Variants in PSMG2 observed in about 807,000 individuals in gnomAD.
PSMG2 encodes proteasome assembly chaperone 2.
In PSMG2, 21 loss-of-function variants were observed where a neutral mutation model predicts 31.5. The observed-to-expected ratio is 0.67, with a 90% confidence interval of 0.47 to 0.96. The LOEUF (loss-of-function observed/expected upper bound fraction) is 0.96, where lower values mean the gene tolerates loss of function less well. Ranked by LOEUF, PSMG2 falls within the 40% of genes least tolerant of loss-of-function variation. The probability of loss-of-function intolerance (pLI) is 0.00; values close to 1 mark genes in which losing one functional copy is unlikely to be tolerated. For missense variants in PSMG2, 318 were observed against 321.2 expected, an observed-to-expected ratio of 0.99 and a Z score of 0.08; for synonymous variants, 120 against 110.4, an observed-to-expected ratio of 1.09 and a Z score of -0.54.
chr18:12,672,219 A>G (rs1463547471), intron 1 of PSMG2, among the ~76,000 whole-genome samples: 1 of 151,028 alleles, frequency 6.6e-6, no homozygotes, highest in Non-Finnish European at 1.5e-5. Context: ...GGTTCAAGCG[A>G]TTCTCCTGCC....
At chr18:12,698,172 T>C (rs2040023589), upstream of PSMG2, among the ~76,000 whole-genome samples, 1 of 151,306 alleles carries the variant, frequency 6.6e-6, no homozygotes, top group Non-Finnish European at 1.5e-5. Flanking sequence ...TTATATTTAT[T>C]TGTAAGTATT....
At chr18:12,679,860 C>T (rs2039282427) in intron 1 of PSMG2, among the ~76,000 whole-genome samples, 3 of 151,886 alleles carry the variant, frequency 2.0e-5, no homozygotes, top group Non-Finnish European at 4.4e-5. Context: ...CCCAGGAGTT[C>T]AAGACCAGCC....
intron 1 of PSMG2, among the ~76,000 whole-genome samples, chr18:12,682,701 T>C (rs1053149395): frequency 2.0e-5 from 3 of 152,072 alleles, no homozygotes; most frequent in African/African-American, 7.2e-5. Context: ...TGACCTCGGC[T>C]CACTACAACC....
chr18:12,699,113 G>A, upstream of PSMG2: 12 of 1,614,028 alleles, frequency 7.4e-6, no homozygotes, highest in Non-Finnish European at 1.0e-5. Context: ...AACTTGTCCA[G>A]GTAAAGGCTC....
chr18:12,673,849 A>C (rs2542166), intron 1 of PSMG2, among the ~76,000 whole-genome samples: 121,484 of 152,126 alleles, frequency 0.8, 48,962 homozygotes, highest in Non-Finnish European at 0.83. Flanking sequence ...CCACTGCACT[A>C]CAGCCTGGGC....
intron 2 of PSMG2, among the ~76,000 whole-genome samples, chr18:12,709,500 AT>A (rs113951918): frequency 0.011 from 1,432 of 130,152 alleles, 6 homozygotes; most frequent in South Asian, 0.019. Context: ...TAATTCTTGT[AT>A]TTTTTTTTTT....
intron 1 of PSMG2, among the ~76,000 whole-genome samples, chr18:12,694,940 C>G (rs1025530068): frequency 6.6e-6 from 1 of 151,674 alleles, no homozygotes; most frequent in Admixed American, 6.6e-5. Context: ...TGGTCACGAT[C>G]TCCTGACCTT....
At chr18:12,671,289 A>C (rs1568006838) in intron 1 of PSMG2, 1 of 152,102 alleles carries the variant, frequency 6.6e-6, no homozygotes, top group African/African-American at 2.4e-5. Flanking sequence ...TTTTCGAAAA[A>C]CGAAATCATT....
upstream of PSMG2, chr18:12,702,405 G>T: frequency 9.3e-7 from 1 of 1,077,622 alleles, no homozygotes; most frequent in Non-Finnish European, 1.4e-6. Flanking sequence ...AGCAGATGCC[G>T]CTGTCGGCCC....
chr18:12,699,006 A>C (rs761217041), upstream of PSMG2: 13 of 1,613,486 alleles, frequency 8.1e-6, no homozygotes, highest in Non-Finnish European at 1.1e-5. Context: ...ACTTCAAGTA[A>C]AAAGCCATCA....
upstream of PSMG2, among the ~76,000 whole-genome samples, chr18:12,701,548 AACCTAGTGTAGTG>A (rs1327793269): frequency 6.6e-6 from 1 of 152,114 alleles, no homozygotes; most frequent in Non-Finnish European, 1.5e-5. Flanking sequence ...AGAATGGAAA[AACCTAGTGTAGTG>A]CCCTCTCACG....
At position 12,703,058 on chromosome 18, in the gene PSMG2, C is replaced by G. The variant is rs752290589; in HGVS notation, c.-50C>G. The G allele has an allele frequency of 3.8e-6, 6 of 1,591,746 alleles. No homozygotes were observed. Among genetic ancestry groups the G allele is most frequent in the Admixed American group, 1.7e-5 (1 of 57,758 alleles). On this transcript the variant is annotated 5_prime_UTR_variant, in exon 1 of 7. Transcript: ENST00000317615. ...CGGGCTTCCGCCTTCTTGCTGCCCT[C>G]GTTCTTGCCAGGGCCGCGGTTAGTC...
At chr18:12,703,268 A>C (rs2040218495) in intron 1 of PSMG2, 104 bp downstream of exon 1, 1 of 1,233,840 alleles carries the variant, frequency 8.1e-7, no homozygotes, top group South Asian at 1.5e-5. Flanking sequence ...ATAGGGCACT[A>C]GTTTCTATTT....
chr18:12,693,793 C>CA (rs965214404), intron 1 of PSMG2, among the ~76,000 whole-genome samples: 1 of 151,938 alleles, frequency 6.6e-6, no homozygotes, highest in Non-Finnish European at 1.5e-5. Context: ...AAAAAACAAA[C>CA]AAAAAAACCC....
chr18:12,709,235 C>T (rs1211053124), intron 2 of PSMG2, among the ~76,000 whole-genome samples: 1 of 148,938 alleles, frequency 6.7e-6, no homozygotes, highest in African/African-American at 2.5e-5. Context: ...TTAGTAGAGA[C>T]GGGGTTGCAC....
At chr18:12,705,340 A>G (rs954509795) in intron 1 of PSMG2, among the ~76,000 whole-genome samples, 1 of 152,174 alleles carries the variant, frequency 6.6e-6, no homozygotes, top group African/African-American at 2.4e-5. Flanking sequence ...CTGGGATTAC[A>G]GGCATGAGAC....
intron 5 of PSMG2, among the ~76,000 whole-genome samples, chr18:12,721,977 G>A (rs943154880): frequency 6.6e-6 from 1 of 151,588 alleles, no homozygotes; most frequent in Non-Finnish European, 1.5e-5. Flanking sequence ...TTTTTGTTCC[G>A]TGTTCCTCTC....
chr18:12,706,741 G>T lies in PSMG2; in HGVS notation c.229+20G>T. ...CTGAAGGTATGTAAGACTTTACCTTGTATTTTTCCACTACAAAGTAGAGTT... is the reference window on the plus strand; with the variant it reads ...CTGAAGGTATGTAAGACTTTACCTTTTATTTTTCCACTACAAAGTAGAGTT... On this transcript the variant is annotated intron_variant, in intron 2 of 6. Coordinates refer to ENST00000317615, the MANE Select transcript of PSMG2 (RefSeq NM_020232.5). The T allele has an allele frequency of 6.4e-7, 1 of 1,567,236 alleles. No individual in the cohort carries two copies.
chr18:12,708,556 G>A (rs1469928177), intron 2 of PSMG2, among the ~76,000 whole-genome samples: 1 of 151,086 alleles, frequency 6.6e-6, no homozygotes, highest in Non-Finnish European at 1.5e-5. Context: ...TAGAGACGGA[G>A]TTTCTCCATG....
Sources: gnomAD v4.1 joint callset for allele counts (sites outside exome capture counted in the v4.1 genomes callset) on GRCh38, gnomAD v4.1.1 for gene constraint, MANE v1.5 for transcripts, NCBI Gene and HGNC (gene_info 2026-07-23, HGNC 2026-07-21) for gene names.